The following HPCAL1 variants were observed in gnomAD, a reference collection of about 807,000 sequenced individuals.
HPCAL1 encodes hippocalcin-like protein 1.
Under a neutral mutation model 17.1 loss-of-function variants are expected in HPCAL1, and 8 were observed. The ratio of observed to expected loss-of-function variants is 0.47; its 90% CI spans 0.27 to 0.84. HPCAL1 has a LOEUF of 0.84. Ranked by LOEUF, HPCAL1 falls within the 40% of genes least tolerant of loss-of-function variation. The pLI, the probability that HPCAL1 is intolerant of heterozygous loss-of-function variation, is 0.13. For synonymous variants in HPCAL1, 112 were observed against 111.4 expected (o/e 1.01, Z -0.03); for missense variants, 165 against 271.1 (o/e 0.61, Z 2.75).
chr2:10,411,057 C>A, intron 2 of HPCAL1, among the ~76,000 whole-genome samples: 1 of 152,086 alleles, frequency 6.6e-6, no homozygotes, highest in East Asian at 1.9e-4. Context: ...GCTGGCTGTC[C>A]CAGTGAGTGA....
intron 1 of HPCAL1, among the ~76,000 whole-genome samples, chr2:10,356,250 G>A (rs904773542): frequency 6.6e-6 from 1 of 152,208 alleles, no homozygotes; most frequent in African/African-American, 2.4e-5. Context: ...TGGAAGAGAA[G>A]ACAGGACGGG....
intron 1 of HPCAL1, among the ~76,000 whole-genome samples, chr2:10,356,266 A>G (rs551502164): frequency 6.6e-6 from 1 of 152,298 alleles, no homozygotes; most frequent in Non-Finnish European, 1.5e-5. Context: ...ACGGGCCTAT[A>G]GTGAATCATG....
At chr2:10,373,187 G>A (rs1454997955) in intron 1 of HPCAL1, among the ~76,000 whole-genome samples, 1 of 152,232 alleles carries the variant, frequency 6.6e-6, no homozygotes, top group Non-Finnish European at 1.5e-5. Context: ...CCAAGAAGAG[G>A]GAGAGGATGA....
At chr2:10,385,252 A>G (rs573398920) in intron 1 of HPCAL1, among the ~76,000 whole-genome samples, 82 of 152,216 alleles carry the variant, frequency 5.4e-4, no homozygotes, top group African/African-American at 1.9e-3. Flanking sequence ...AATCTGACCT[A>G]AGGCTGCCCA....
intron 1 of HPCAL1, among the ~76,000 whole-genome samples, chr2:10,329,030 G>A (rs931815869): frequency 1.3e-5 from 2 of 151,830 alleles, no homozygotes; most frequent in Non-Finnish European, 1.5e-5. Context: ...GGATCTTGCC[G>A]TGTTGCCCAG....
rs914938120 is a variant in HPCAL1, at chr2:10,353,100, T to A, written c.-110-43735T>A. On this transcript the variant is annotated intron_variant, in intron 1 of 4. Coordinates refer to ENST00000307845, the MANE Select transcript of HPCAL1 (RefSeq NM_002149.4). ...CTAAGCTGGCAGGCAGTCGTGCCGA[T>A]GCAGTTCTCATTTCTGCTGTCAATT... Among the ~76,000 whole-genome samples the A allele has an allele frequency of 7.2e-5, 11 of 152,200 alleles. 1 individual carries two copies. Among genetic ancestry groups the A allele is most frequent in the Admixed American group, 3.3e-4 (5 of 15,276 alleles).
At position 10,423,019 on chromosome 2, in the gene HPCAL1, C is replaced by T; in HGVS notation, c.415C>T (p.Pro139Ser). Residue 139 changes from proline to serine, a missense_variant, in exon 4 of 5, where the codon CCG becomes TCG. Coordinates refer to ENST00000307845, the MANE Select transcript of HPCAL1 (RefSeq NM_002149.4). ...GATGGTGTCGTCTGTGATGAAGATG[C>T]CGGAGGATGAGTCCACCCCGGAGAA... Reference protein sequence around the residue: ...YKMVSSVMKMPEDESTPEKRT... With the variant: ...YKMVSSVMKMSEDESTPEKRT... 1.9e-6 allele frequency: 3 copies of T among 1,613,514 alleles called. No individual in the cohort carries two copies. The highest frequency in any genetic ancestry group is 2.5e-6 in the Non-Finnish European group (3 of 1,179,870).
chr2:10,390,576 T>A (rs920169804), intron 1 of HPCAL1, among the ~76,000 whole-genome samples: 1 of 152,144 alleles, frequency 6.6e-6, no homozygotes, highest in East Asian at 1.9e-4. Context: ...TATATTAAAA[T>A]AATTTGTCAT....
chr2:10,334,303 C>G (rs1166449502), intron 1 of HPCAL1, among the ~76,000 whole-genome samples: 1 of 151,364 alleles, frequency 6.6e-6, no homozygotes, highest in Admixed American at 6.6e-5. Context: ...GGCAACATAG[C>G]AAGACCCTGT....
chr2:10,322,355 C>T (rs928089775), intron 1 of HPCAL1, among the ~76,000 whole-genome samples: 9 of 152,196 alleles, frequency 5.9e-5, no homozygotes, highest in African/African-American at 2.2e-4. Flanking sequence ...GAGAAGGTCT[C>T]ATGAGAAGGT....
intron 1 of HPCAL1, among the ~76,000 whole-genome samples, chr2:10,318,458 C>T (rs1663460721): frequency 1.3e-5 from 2 of 152,190 alleles, no homozygotes; most frequent in Non-Finnish European, 2.9e-5. Context: ...CCTGTTTTGC[C>T]CATGCTTGTT....
At chr2:10,399,811 AGC>A (rs1376496734) in intron 2 of HPCAL1, among the ~76,000 whole-genome samples, 1 of 152,038 alleles carries the variant, frequency 6.6e-6, no homozygotes, top group Non-Finnish European at 1.5e-5. Flanking sequence ...CTCCCCTACC[AGC>A]CTCCCTCTCC....
Position 10,395,680 on chromosome 2 carries a change from G to A in HPCAL1, c.-110-1155G>A, listed in dbSNP as rs903961466. Among the ~76,000 whole-genome samples the A allele has an allele frequency of 2.0e-5, 3 of 152,284 alleles. No homozygotes were observed. Among genetic ancestry groups the A allele is most frequent in the Non-Finnish European group, 2.9e-5 (2 of 68,018 alleles). ...TAATTAGGGAGTGTGCGGTAGATGC[G>A]GAAGAGAAACGGGCCGTCAGGTGAA... On this transcript the variant is annotated intron_variant, in intron 1 of 4. Transcript: ENST00000307845. This position sits in a 1 kb window ranked among gnomAD's most constrained non-coding sequence, Gnocchi z 4.4.
At chr2:10,421,419 A>G (rs1046500757) in intron 3 of HPCAL1, among the ~76,000 whole-genome samples, 2 of 152,084 alleles carry the variant, frequency 1.3e-5, no homozygotes, top group African/African-American at 2.4e-5. Context: ...GGAGCATCCA[A>G]TTCTAGAACT....
intron 2 of HPCAL1, among the ~76,000 whole-genome samples, chr2:10,400,004 G>A (rs1003637027): frequency 7.2e-5 from 11 of 152,212 alleles, no homozygotes; most frequent in Admixed American, 3.9e-4. Flanking sequence ...AAACAGAAAT[G>A]AGAGAAAGGA....
intron 1 of HPCAL1, among the ~76,000 whole-genome samples, chr2:10,334,590 C>T (rs930762408): frequency 1.3e-4 from 20 of 152,244 alleles, no homozygotes; most frequent in Admixed American, 7.2e-4. Context: ...TTGTTCTTGA[C>T]TACTTTGTCA....
intron 1 of HPCAL1, among the ~76,000 whole-genome samples, chr2:10,358,574 G>A (rs1666326502): frequency 6.6e-6 from 1 of 152,214 alleles, no homozygotes; most frequent in South Asian, 2.1e-4. Flanking sequence ...GACATTGAGA[G>A]GAACACGTGG....
At chr2:10,337,265 C>G (rs1158683942) in intron 1 of HPCAL1, among the ~76,000 whole-genome samples, 2 of 152,284 alleles carry the variant, frequency 1.3e-5, no homozygotes, top group East Asian at 1.9e-4. Flanking sequence ...TTGCCTCCCC[C>G]TCCTTTCGTG....
rs985132126 is a variant in HPCAL1, at chr2:10,421,877, C to T, written c.379-1106C>T. ...ATTTCCCACGTAGATGGTTTTCACACTGTCAGAGTAAATTAACATGGGCTC... is the reference window on the plus strand; with the variant it reads ...ATTTCCCACGTAGATGGTTTTCACATTGTCAGAGTAAATTAACATGGGCTC... On this transcript the variant is annotated intron_variant, in intron 3 of 4. Transcript: ENST00000307845. 3.3e-5 allele frequency among the ~76,000 whole-genome samples: 5 copies of T among 152,190 alleles called. No homozygotes were observed. In the South Asian group the frequency reaches 1.0e-3, roughly 32 times the overall value.
Sources: gnomAD v4.1 joint callset for allele counts (sites outside exome capture counted in the v4.1 genomes callset) on GRCh38, gnomAD v4.1.1 for gene constraint, Gnocchi (gnomAD v3.1) non-coding constraint, MANE v1.5 for transcripts, NCBI Gene and HGNC (gene_info 2026-07-23, HGNC 2026-07-21) for gene names.